The following MRPL1 variants were observed in gnomAD, a reference collection of about 807,000 sequenced individuals.
MRPL1 encodes mitochondrial ribosomal protein L1, also known as large ribosomal subunit protein uL1m.
A neutral mutation model predicts 38.0 loss-of-function variants in MRPL1; 28 were observed. The ratio of observed to expected loss-of-function variants is 0.74; its 90% confidence interval spans 0.55 to 1.01. The LOEUF (loss-of-function observed/expected upper bound fraction) is 1.01, where lower values mean the gene tolerates loss of function less well. Ranked by LOEUF, MRPL1 falls within the 50% of genes least tolerant of loss-of-function variation. MRPL1 has a pLI of 0.00. For synonymous variants in MRPL1, 123 were observed against 126.7 expected (o/e 0.97, Z 0.20); for missense variants, 358 against 389.8 (o/e 0.92, Z 0.69).
chr4:77,885,161 C>T lies in MRPL1; in HGVS notation c.403-95C>T. The T allele has an allele frequency of 1.3e-5, 12 of 926,540 alleles. No individual in the cohort carries two copies. The Middle Eastern group carries it at 2.7e-3, about 210-fold the overall frequency. 57.4% of individuals were successfully genotyped at this position (926,540 alleles called of 1,614,324 possible). A position where few individuals can be genotyped will look rare whatever the true frequency, so the allele number is the denominator to read the frequency against. ...AAGAACATAGAGTAGAATCAGAACA[C>T]TGAAAACAAAACATGTCCGTTCTTG... is the stretch of plus-strand genomic sequence containing the variant. On this transcript the variant is annotated intron_variant, in intron 3 of 8. Transcript: ENST00000315567.
At chr4:77,881,601 C>T (rs988950168) in intron 2 of MRPL1, among the ~76,000 whole-genome samples, 1 of 151,960 alleles carries the variant, frequency 6.6e-6, no homozygotes, top group Non-Finnish European at 1.5e-5. Context: ...ACCACTATGC[C>T]CAGCTAATTT....
rs543355790 is a variant in MRPL1, at chr4:77,885,611, C to T, written c.486+272C>T. ...TGATCTCTTGACCTTGTGATCCGCCCGCCTCGGCCTCCCAAAGTGCTGGGA... is the reference window on the plus strand; with the variant it reads ...TGATCTCTTGACCTTGTGATCCGCCTGCCTCGGCCTCCCAAAGTGCTGGGA... On this transcript the variant is annotated intron_variant, in intron 4 of 8. Coordinates refer to ENST00000315567, the MANE Select transcript of MRPL1 (RefSeq NM_020236.4). Among the ~76,000 whole-genome samples the T allele has an allele frequency of 3.9e-5, 6 of 152,226 alleles. No homozygotes were observed. In the South Asian group the frequency reaches 6.2e-4, roughly 16 times the overall value.
intron 7 of MRPL1, among the ~76,000 whole-genome samples, chr4:77,920,415 A>T (rs999070338): frequency 1.3e-5 from 2 of 152,240 alleles, no homozygotes; most frequent in African/African-American, 4.8e-5. Flanking sequence ...GTTTTTCAAA[A>T]GAAAATCTAA....
intron 2 of MRPL1, among the ~76,000 whole-genome samples, chr4:77,878,919 A>G (rs900588566): frequency 4.6e-5 from 7 of 152,248 alleles, no homozygotes; most frequent in African/African-American, 1.4e-4. Flanking sequence ...TGACCATGGA[A>G]ATCATGTTTT....
intron 7 of MRPL1, among the ~76,000 whole-genome samples, chr4:77,910,761 A>C (rs1441503225): frequency 6.6e-6 from 1 of 152,208 alleles, no homozygotes; most frequent in East Asian, 1.9e-4. Context: ...AAACAAAAAA[A>C]CTTGCTTTAG....
chr4:77,907,056 TG>T, intron 6 of MRPL1: 1 of 985,424 alleles, frequency 1.0e-6, no homozygotes, highest in Non-Finnish European at 1.2e-6. Flanking sequence ...GGGTATGCCG[TG>T]CTCTCTATGT....
intron 7 of MRPL1, among the ~76,000 whole-genome samples, chr4:77,941,757 C>CT (rs1737135730): frequency 6.6e-6 from 1 of 152,012 alleles, no homozygotes; most frequent in Non-Finnish European, 1.5e-5. Context: ...TGGATTTTCT[C>CT]TTTTTCTTCA....
intron 7 of MRPL1, among the ~76,000 whole-genome samples, chr4:77,948,140 A>G (rs1445150287): frequency 1.3e-5 from 2 of 152,222 alleles, no homozygotes; most frequent in Non-Finnish European, 2.9e-5. Context: ...AACTGTTTAA[A>G]AAGATAGGTT....
At chr4:77,943,849 T>C (rs912975502) in intron 7 of MRPL1, among the ~76,000 whole-genome samples, 2 of 152,208 alleles carry the variant, frequency 1.3e-5, no homozygotes, top group African/African-American at 4.8e-5. Context: ...AGCTTAATAA[T>C]CGACCTTCTG....
At chr4:77,926,886 G>T (rs1736724928) in intron 7 of MRPL1, among the ~76,000 whole-genome samples, 1 of 152,002 alleles carries the variant, frequency 6.6e-6, no homozygotes. Flanking sequence ...TGGGATTTCG[G>T]GCGTGAGCTG....
At chr4:77,889,810 C>G (rs1223102651) in intron 5 of MRPL1, among the ~76,000 whole-genome samples, 2 of 152,132 alleles carry the variant, frequency 1.3e-5, no homozygotes, top group Non-Finnish European at 2.9e-5. Context: ...CACCACCGAT[C>G]CCACAGAAAT....
chr4:77,913,627 T>A (rs941916034), intron 7 of MRPL1, among the ~76,000 whole-genome samples: 2 of 152,224 alleles, frequency 1.3e-5, no homozygotes, highest in Non-Finnish European at 2.9e-5. Flanking sequence ...ATGATCCTGC[T>A]ATTCCACTTT....
chr4:77,883,290 G>T lies in MRPL1; in HGVS notation c.192G>T (p.Glu64Asp). 6.3e-7 allele frequency: 1 copy of T among 1,598,414 alleles called. No individual in the cohort carries two copies. Among genetic ancestry groups the T allele is most frequent in the Non-Finnish European group, 8.5e-7 (1 of 1,175,504 alleles). The change falls in exon 3 of 9, where the codon GAG becomes GAT. Residue 64 changes from glutamate to aspartate, a missense_variant. By Grantham distance (45) the Glu-to-Asp change is conservative. Coordinates refer to ENST00000315567, the MANE Select transcript of MRPL1 (RefSeq NM_020236.4). ...GTGCTAAAGAAAAAACACCAGATGAGAAAAAAGATGAAATAGAAAAAATAA... is the reference window on the plus strand; with the variant it reads ...GTGCTAAAGAAAAAACACCAGATGATAAAAAAGATGAAATAGAAAAAATAA... ...KKGAKEKTPD[E>D]KKDEIEKIKA...
chr4:77,941,597 A>C (rs1737133753), intron 7 of MRPL1, among the ~76,000 whole-genome samples: 1 of 152,054 alleles, frequency 6.6e-6, no homozygotes, highest in African/African-American at 2.4e-5. Context: ...TTCCTGGTTT[A>C]ATCTAGGAGG....
At chr4:77,896,208 G>A (rs2110241579) in intron 6 of MRPL1, among the ~76,000 whole-genome samples, 1 of 143,668 alleles carries the variant, frequency 7.0e-6, no homozygotes, top group Middle Eastern at 3.5e-3. Flanking sequence ...TCAATATTTG[G>A]AACCTTTTTT....
chr4:77,905,553 A>G (rs1392219139), intron 6 of MRPL1, among the ~76,000 whole-genome samples: 4 of 151,956 alleles, frequency 2.6e-5, no homozygotes, highest in Admixed American at 2.6e-4. Flanking sequence ...AACAGATGAA[A>G]TAATACTAAA....
intron 1 of MRPL1, 59 bp downstream of exon 1, chr4:77,862,938 G>A (rs2110224226): frequency 6.2e-7 from 1 of 1,603,316 alleles, no homozygotes; most frequent in South Asian, 1.1e-5. Flanking sequence ...TCTGGTTGCA[G>A]CAGAGTGCAA....
intron 5 of MRPL1, among the ~76,000 whole-genome samples, chr4:77,888,356 T>G (rs1735729535): frequency 6.6e-6 from 1 of 152,048 alleles, no homozygotes; most frequent in Non-Finnish European, 1.5e-5. Flanking sequence ...AATACAAAAA[T>G]TAGCCAGGCG....
At chr4:77,873,099 A>G (rs1331379328) in intron 2 of MRPL1, among the ~76,000 whole-genome samples, 1 of 152,214 alleles carries the variant, frequency 6.6e-6, no homozygotes. Context: ...TATTTCCAAG[A>G]GCAGGATCTG....
Sources: gnomAD v4.1 joint callset for allele counts (sites outside exome capture counted in the v4.1 genomes callset) on GRCh38, gnomAD v4.1.1 for gene constraint, MANE v1.5 for transcripts, NCBI Gene and HGNC (gene_info 2026-07-23, HGNC 2026-07-21) for gene names.